The following TNIK variants were observed in gnomAD, a reference collection of about 807,000 sequenced individuals.
The protein encoded by TNIK is TRAF2 and NCK interacting kinase.
A neutral mutation model predicts 191.3 loss-of-function variants in TNIK; 49 were observed. The observed-to-expected ratio is 0.26, with a 90% CI of 0.20 to 0.32. The LOEUF (loss-of-function observed/expected upper bound fraction) is 0.32, where lower values mean the gene tolerates loss of function less well. Ranked by LOEUF, TNIK falls within the 10% of genes least tolerant of loss-of-function variation. The pLI, the probability that TNIK is intolerant of heterozygous loss-of-function variation, is 1.00. For missense variants in TNIK, 1,155 were observed against 1,702.3 expected (o/e 0.68, Z 5.66); for synonymous variants, 594 against 600.9 (o/e 0.99, Z 0.17).
At position 171,071,357 on chromosome 3, in the gene TNIK, T is replaced by G. The variant is rs559599694; in HGVS notation, c.3449-34A>C. On this transcript the variant is annotated intron_variant, in intron 28 of 32. Coordinates refer to ENST00000436636, the MANE Select transcript of TNIK (RefSeq NM_015028.4). ...GAAAAATTATGAGTGAAAAAGTACA[T>G]CAATTTACTCAAGTTCTTTGTATTA... 6.3e-5 allele frequency: 88 copies of G among 1,393,572 alleles called. No individual in the cohort carries two copies. The South Asian group carries it at 1.1e-3, about 17-fold the overall frequency. 86.3% of individuals were successfully genotyped at this position (1,393,572 alleles called of 1,614,324 possible). A position where few individuals can be genotyped will look rare whatever the true frequency, so the allele number is the denominator to read the frequency against.
At chr3:171,259,387 CA>C (rs1278128502) in intron 2 of TNIK, among the ~76,000 whole-genome samples, 1 of 152,154 alleles carries the variant, frequency 6.6e-6, no homozygotes, top group Non-Finnish European at 1.5e-5. Context: ...TGTCTATTGG[CA>C]ATTGATAACT....
intron 9 of TNIK, among the ~76,000 whole-genome samples, chr3:171,168,499 T>C (rs1734895405): frequency 6.6e-6 from 1 of 152,246 alleles, no homozygotes; most frequent in Non-Finnish European, 1.5e-5. Context: ...AGGGCACTTT[T>C]GTATGCACCA....
At chr3:171,169,816 C>T (rs1735067191) in intron 9 of TNIK, among the ~76,000 whole-genome samples, 1 of 152,156 alleles carries the variant, frequency 6.6e-6, no homozygotes, top group African/African-American at 2.4e-5. Context: ...AGAAAAAACT[C>T]AGAGATATTC....
intron 1 of TNIK, among the ~76,000 whole-genome samples, chr3:171,372,701 C>A (rs1277441739): frequency 6.6e-6 from 1 of 152,162 alleles, no homozygotes; most frequent in African/African-American, 2.4e-5. Context: ...CAGCTGAGGA[C>A]ATTTTTCAGA....
chr3:171,088,699 A>C (rs928159826), intron 23 of TNIK, among the ~76,000 whole-genome samples: 1 of 152,172 alleles, frequency 6.6e-6, no homozygotes, highest in Non-Finnish European at 1.5e-5. Flanking sequence ...TGCCAAAAAA[A>C]CCCCAGGGAG....
rs186820595 is a variant in TNIK, at chr3:171,241,040, T to C, written c.124-12819A>G. 5.6e-3 allele frequency among the ~76,000 whole-genome samples: 855 copies of C among 151,996 alleles called. 7 individuals carry two copies. Among genetic ancestry groups the C allele is most frequent in the Admixed American group, 9.0e-3 (137 of 15,282 alleles). ...TGTTTCTTTTTTTTTCTTTTCTTTT[T>C]TTTTTTGGAGATAGAGTTCTGCTCT... On this transcript the variant is annotated intron_variant, in intron 2 of 32. Transcript: ENST00000436636.
intron 1 of TNIK, among the ~76,000 whole-genome samples, chr3:171,455,809 C>G (rs575744207): frequency 2.0e-5 from 3 of 152,148 alleles, no homozygotes; most frequent in Non-Finnish European, 4.4e-5. Flanking sequence ...AGGGTTCATT[C>G]CACTCCATTC....
intron 7 of TNIK, among the ~76,000 whole-genome samples, chr3:171,183,996 A>AAT (rs914123825): frequency 6.6e-6 from 1 of 151,570 alleles, no homozygotes; most frequent in Non-Finnish European, 1.5e-5. Context: ...AACTATCTAT[A>AAT]ATATATATAC....
At position 171,110,871 on chromosome 3, in the gene TNIK, AG is replaced by A. The variant is rs1354609265; in HGVS notation, c.2126del (p.Pro709LeufsTer71). 1 of 1,601,076 alleles carries A rather than the reference AG, an allele frequency of 6.2e-7. No homozygotes were observed. Among genetic ancestry groups the A allele is most frequent in the Non-Finnish European group, 8.5e-7 (1 of 1,174,514 alleles). On this transcript the variant is annotated frameshift_variant, in exon 19 of 33. Transcript: ENST00000436636. LOFTEE classifies it high-confidence loss of function. Reference protein sequence around the residue: ...LGSQPIRASNPDLRRTEPILE... With the variant: ...LGSQPIRASNXDLRRTEPILE... ...AGATGGGCTCAGTTCTCCGGAGATCAGGGTTGCTGTGTGAGTGACAGAGCAC... is the reference window on the plus strand; with the variant it reads ...AGATGGGCTCAGTTCTCCGGAGATCAGGTTGCTGTGTGAGTGACAGAGCAC...
intron 19 of TNIK, among the ~76,000 whole-genome samples, chr3:171,110,036 C>G (rs1418853390): frequency 6.6e-6 from 1 of 152,036 alleles, no homozygotes; most frequent in African/African-American, 2.4e-5. Context: ...TCCCGAGTAG[C>G]TGGGATTACA....
intron 3 of TNIK, among the ~76,000 whole-genome samples, chr3:171,213,534 G>A (rs1741110627): frequency 6.6e-6 from 1 of 151,644 alleles, no homozygotes; most frequent in Admixed American, 6.6e-5. Flanking sequence ...GGGGAGGGGG[G>A]GACTGCCTAT....
chr3:171,191,773 T>C (rs1577079184), intron 5 of TNIK, among the ~76,000 whole-genome samples: 1 of 152,254 alleles, frequency 6.6e-6, no homozygotes, highest in Non-Finnish European at 1.5e-5. Context: ...CATTTCTTCA[T>C]GAATTACTCT....
At chr3:171,087,602 A>C (rs1234472624) in intron 23 of TNIK, 96 bp from the exon 24 acceptor site, 4 of 1,365,952 alleles carry the variant, frequency 2.9e-6, no homozygotes, top group Non-Finnish European at 4.0e-6. Context: ...CGGGGCTCCA[A>C]ATCAACCCAC....
rs561714562 is a variant in TNIK, at chr3:171,432,277, C to T, written c.57+27730G>A. Among the ~76,000 whole-genome samples, 18 of 151,956 alleles carry T rather than the reference C, an allele frequency of 1.2e-4. 1 individual carries two copies. The East Asian group carries it at 3.1e-3, about 26-fold the overall frequency. ...CACAACCAGATGCAATTTCAAAAGA[C>T]GGATACAAAAATAAATAAGGAAAAG... On this transcript the variant is annotated intron_variant, in intron 1 of 32. Transcript: ENST00000436636.
At chr3:171,292,211 C>CA (rs1751764048) in intron 2 of TNIK, among the ~76,000 whole-genome samples, 1 of 152,162 alleles carries the variant, frequency 6.6e-6, no homozygotes, top group African/African-American at 2.4e-5. Flanking sequence ...TGGATCATCT[C>CA]AAGGTTGGCT....
intron 1 of TNIK, among the ~76,000 whole-genome samples, chr3:171,405,168 AG>A (rs1369891731): frequency 6.6e-6 from 1 of 152,212 alleles, no homozygotes; most frequent in Non-Finnish European, 1.5e-5. Flanking sequence ...AGTAAGTAAC[AG>A]TGTGGATTTG....
chr3:171,315,883 C>G (rs569714407), intron 2 of TNIK, among the ~76,000 whole-genome samples: 1 of 152,244 alleles, frequency 6.6e-6, no homozygotes, highest in East Asian at 1.9e-4. Flanking sequence ...TGCAGAGACC[C>G]TATTTCCAAA....
intron 2 of TNIK, among the ~76,000 whole-genome samples, chr3:171,341,012 T>G (rs1757446112): frequency 1.3e-5 from 2 of 152,178 alleles, no homozygotes; most frequent in South Asian, 4.1e-4. Context: ...AGCTAGGGGT[T>G]ACTGATTTTA....
At chr3:171,324,969 C>T (rs143389994) in intron 2 of TNIK, among the ~76,000 whole-genome samples, 21 of 152,102 alleles carry the variant, frequency 1.4e-4, no homozygotes, top group Non-Finnish European at 2.6e-4. Flanking sequence ...GGTATGCTGG[C>T]GGGTGCCTGT....
Sources: gnomAD v4.1 joint callset for allele counts (sites outside exome capture counted in the v4.1 genomes callset) on GRCh38, gnomAD v4.1.1 for gene constraint, MANE v1.5 for transcripts, NCBI Gene and HGNC (gene_info 2026-07-23, HGNC 2026-07-21) for gene names.